PRKCZ: variants seen among roughly 807,000 people sequenced by gnomAD.
The protein encoded by PRKCZ is protein kinase C zeta, also known as protein kinase C zeta type.
PRKCZ carries 33 observed loss-of-function variants against 79.5 expected under a neutral mutation model. The ratio of observed to expected loss-of-function variants is 0.41; its 90% CI spans 0.31 to 0.55. The LOEUF (loss-of-function observed/expected upper bound fraction) is 0.55, where lower values mean the gene tolerates loss of function less well. Among genes scored for constraint, PRKCZ ranks in the 20% least tolerant of loss-of-function variants. The probability of loss-of-function intolerance (pLI) is 0.19; values close to 1 mark genes in which losing one functional copy is unlikely to be tolerated. For missense variants in PRKCZ, 578 were observed against 813.5 expected (o/e 0.71, Z 3.52); for synonymous variants, 342 against 320.9 (o/e 1.07, Z -0.70).
In PRKCZ at chr1:2,185,109, GC is replaced by G; in HGVS notation, c.*102del. ...CAGGCTGGGCACGGCTCCGAGGGCGGCCAGGGACAGACGCTTGCGCCGAGAC... is the reference window on the plus strand; with the variant it reads ...CAGGCTGGGCACGGCTCCGAGGGCGGCAGGGACAGACGCTTGCGCCGAGAC... On this transcript the variant is annotated 3_prime_UTR_variant, in exon 18 of 18. Coordinates refer to ENST00000378567, the MANE Select transcript of PRKCZ (RefSeq NM_002744.6). 1 of 1,183,098 alleles carries G rather than the reference GC, an allele frequency of 8.5e-7. No homozygotes were observed. Among genetic ancestry groups the G allele is most frequent in the Non-Finnish European group, 1.2e-6 (1 of 825,032 alleles). The allele number at this position is 1,183,098 out of a possible 1,614,324, so 73.3% of individuals were successfully genotyped here. A position where few individuals can be genotyped will look rare whatever the true frequency, so the allele number is the denominator to read the frequency against.
intron 9 of PRKCZ, among the ~76,000 whole-genome samples, 186 bp downstream of exon 9, chr1:2,151,164 A>G (rs1449936501): frequency 2.6e-5 from 4 of 152,246 alleles, no homozygotes; most frequent in African/African-American, 9.6e-5. Context: ...TGGTTAGGTA[A>G]TGGCACTGTT....
rs1412680144 is a variant in PRKCZ at position 2,050,423 on chromosome 1, C to CCCCCCG, written c.-199_-194dup. On this transcript the variant is annotated 5_prime_UTR_variant, in exon 1 of 18. Coordinates refer to ENST00000378567, the MANE Select transcript of PRKCZ (RefSeq NM_002744.6). ...CTCGGTCCGCCATGTTCGGACACCG[C>CCCCCCG]CCCCCGCCCCCGCCGGACGGTCCCG... is the stretch of plus-strand genomic sequence containing the variant. 2 of 185,678 alleles carry CCCCCCG rather than the reference C, an allele frequency of 1.1e-5. No homozygotes were observed. The highest frequency in any genetic ancestry group is 1.5e-4 in the East Asian group (1 of 6,508). 11.5% of individuals were successfully genotyped at this position (185,678 alleles called of 1,614,324 possible). A position where few individuals can be genotyped will look rare whatever the true frequency, so the allele number is the denominator to read the frequency against.
intron 4 of PRKCZ, among the ~76,000 whole-genome samples, chr1:2,085,965 A>G (rs975204553): frequency 1.8e-4 from 27 of 152,004 alleles, no homozygotes; most frequent in African/African-American, 6.5e-4. Flanking sequence ...TCCCAGGAGT[A>G]AGAGCTGTGT....
rs1015965034 is a variant in PRKCZ at position 2,177,935 on chromosome 1, G to A, written c.1575+2622G>A. Among the ~76,000 whole-genome samples the A allele has an allele frequency of 2.6e-5, 4 of 151,640 alleles. No homozygotes were observed. Among genetic ancestry groups the A allele is most frequent in the Non-Finnish European group, 4.4e-5 (3 of 68,002 alleles). ...GGCCCTGCCTCTGCCACCGACCGCCGACCCTGCCTCTGCCGTTTCCTTGCC... is the reference window on the plus strand; with the variant it reads ...GGCCCTGCCTCTGCCACCGACCGCCAACCCTGCCTCTGCCGTTTCCTTGCC... On this transcript the variant is annotated intron_variant, in intron 16 of 17. Coordinates refer to ENST00000378567, the MANE Select transcript of PRKCZ (RefSeq NM_002744.6). This position sits in a 1 kb window ranked among gnomAD's most constrained non-coding sequence, Gnocchi z 6.4.
rs183532163 is a variant in PRKCZ at position 2,149,930 on chromosome 1, G to A, written c.688-860G>A. ...TCCCAGCACTTTGGGAAGCTGAGGC[G>A]GGCAGATCACGAGGTCAGGAGATGG... On this transcript the variant is annotated intron_variant, in intron 8 of 17. Transcript: ENST00000378567. The surrounding 1 kb of genome is among the most constrained non-coding windows in gnomAD (Gnocchi z 4.1). 1.3e-4 allele frequency among the ~76,000 whole-genome samples: 20 copies of A among 151,544 alleles called. No individual in the cohort carries two copies. The East Asian group carries it at 3.7e-3, about 28-fold the overall frequency.
chr1:2,108,140 G>A (rs1255553948), intron 4 of PRKCZ, among the ~76,000 whole-genome samples: 1 of 152,252 alleles, frequency 6.6e-6, no homozygotes, highest in East Asian at 1.9e-4. Context: ...TCAGAGAAAA[G>A]GCATCGAGGT....
intron 16 of PRKCZ, among the ~76,000 whole-genome samples, chr1:2,180,495 C>T (rs772366308): frequency 2.6e-5 from 4 of 151,428 alleles, no homozygotes; most frequent in African/African-American, 7.3e-5. Flanking sequence ...ACAGACGACG[C>T]GGACGCACAG....
chr1:2,155,943 C>T, intron 9 of PRKCZ, 52 bp from the exon 10 acceptor site: 1 of 1,511,862 alleles, frequency 6.6e-7, no homozygotes, highest in South Asian at 1.1e-5. Context: ...GCCCAGGATG[C>T]CTGTGAGGAG....
At chr1:2,176,107 G>A (rs933108645) in intron 16 of PRKCZ, among the ~76,000 whole-genome samples, 2 of 152,144 alleles carry the variant, frequency 1.3e-5, no homozygotes, top group South Asian at 2.1e-4. Flanking sequence ...ATCTGATTTC[G>A]GTGGTGTGTG....
At chr1:2,114,501 C>T (rs1322616071) in intron 4 of PRKCZ, among the ~76,000 whole-genome samples, 3 of 152,156 alleles carry the variant, frequency 2.0e-5, no homozygotes, top group African/African-American at 2.4e-5. Context: ...GATGACTGGG[C>T]GCAGTGGCTC....
intron 4 of PRKCZ, among the ~76,000 whole-genome samples, chr1:2,083,856 T>C (rs953431391): frequency 6.6e-6 from 1 of 152,244 alleles, no homozygotes; most frequent in Non-Finnish European, 1.5e-5. Flanking sequence ...ACTGTATTGG[T>C]GTCACTTTCC....
chr1:2,059,488 G>C lies in PRKCZ; in HGVS notation c.284-53G>C. The C allele has an allele frequency of 3.7e-6, 6 of 1,602,874 alleles. No homozygotes were observed. In the Middle Eastern group the frequency reaches 6.6e-4, roughly 177 times the overall value. Reference sequence around the variant, plus strand: ...GAGGCGGGACTTCCTCCGTGAGACTGTTGAGTGGCAGCCGCAGGGTCTTGA... The same window carrying C: ...GAGGCGGGACTTCCTCCGTGAGACTCTTGAGTGGCAGCCGCAGGGTCTTGA... On this transcript the variant is annotated intron_variant, in intron 3 of 17. Coordinates refer to ENST00000378567, the MANE Select transcript of PRKCZ (RefSeq NM_002744.6).
chr1:2,160,681 C>T (rs1316347613), intron 10 of PRKCZ, among the ~76,000 whole-genome samples: 1 of 152,018 alleles, frequency 6.6e-6, no homozygotes, highest in African/African-American at 2.4e-5. Context: ...CTGGGCCTGT[C>T]ATGGCCTGGA....
chr1:2,145,970 A>T, intron 6 of PRKCZ, 57 bp from the exon 7 acceptor site: 1 of 1,462,924 alleles, frequency 6.8e-7, no homozygotes. Flanking sequence ...CAGAAGCTAC[A>T]TTGTAACACC....
At chr1:2,139,360 T>G (rs557771431) in intron 5 of PRKCZ, among the ~76,000 whole-genome samples, 1 of 151,908 alleles carries the variant, frequency 6.6e-6, no homozygotes, top group South Asian at 2.1e-4. Context: ...GAGGCCGAGG[T>G]GGGTGGATCA....
intron 4 of PRKCZ, among the ~76,000 whole-genome samples, chr1:2,088,514 G>A (rs555125107): frequency 1.1e-4 from 17 of 152,332 alleles, no homozygotes; most frequent in African/African-American, 3.8e-4. Flanking sequence ...CGGCTGTGGC[G>A]AGTGATTGCC....
intron 4 of PRKCZ, among the ~76,000 whole-genome samples, chr1:2,110,460 A>G (rs1407913524): frequency 1.4e-5 from 2 of 146,466 alleles, no homozygotes; most frequent in South Asian, 2.2e-4. Context: ...TCGCAGCTTC[A>G]TGGGGGAAAC....
chr1:2,122,085 G>T (rs530508478), intron 4 of PRKCZ, among the ~76,000 whole-genome samples: 3 of 73,354 alleles, frequency 4.1e-5, no homozygotes, highest in Non-Finnish European at 7.7e-5. Flanking sequence ...GGTAGTTAGG[G>T]TCGTGGTGGT....
chr1:2,145,789 A>C (rs1489799278), intron 6 of PRKCZ, among the ~76,000 whole-genome samples: 1 of 152,070 alleles, frequency 6.6e-6, no homozygotes, highest in African/African-American at 2.4e-5. Context: ...GGTGGTGCGC[A>C]CCTGTAGTGC....
Sources: allele counts gnomAD v4.1 joint callset (sites outside exome capture counted in the v4.1 genomes callset), GRCh38; gene constraint gnomAD v4.1.1; non-coding constraint Gnocchi (gnomAD v3.1); transcripts MANE v1.5; gene names NCBI Gene and HGNC (gene_info 2026-07-23, HGNC 2026-07-21).